ITFG1: variants seen among roughly 807,000 people sequenced by gnomAD.
ITFG1 encodes the protein integrin alpha FG-GAP repeat containing 1.
ITFG1 carries 34 observed loss-of-function variants against 81.8 expected under a neutral mutation model. The observed-to-expected ratio is 0.42, with a 90% CI of 0.32 to 0.55. The LOEUF is 0.55. ITFG1 is among the 20% of genes least tolerant of loss of function. The pLI, the probability that ITFG1 is intolerant of heterozygous loss-of-function variation, is 0.17. For missense variants in ITFG1, 672 were observed against 755.4 expected, an observed-to-expected ratio of 0.89 and a Z score of 1.29; for synonymous variants, 285 against 270.6, an observed-to-expected ratio of 1.05 and a Z score of -0.52.
chr16:47,437,960 T>C (rs1008966954), intron 5 of ITFG1, among the ~76,000 whole-genome samples: 2 of 152,302 alleles, frequency 1.3e-5, no homozygotes, highest in Non-Finnish European at 1.5e-5. Flanking sequence ...AGATGGCACC[T>C]GGAAAAACGG....
At chr16:47,340,152 A>G (rs559333303) in intron 8 of ITFG1, among the ~76,000 whole-genome samples, 1 of 152,154 alleles carries the variant, frequency 6.6e-6, no homozygotes, top group Non-Finnish European at 1.5e-5. Flanking sequence ...ATTCCCAGAT[A>G]AAGGCGGAGG....
At chr16:47,253,828 C>T (rs995032020) in intron 12 of ITFG1, among the ~76,000 whole-genome samples, 6 of 152,104 alleles carry the variant, frequency 3.9e-5, no homozygotes, top group Non-Finnish European at 5.9e-5. Flanking sequence ...GCCCTCCGGC[C>T]GTTCACCTCC....
chr16:47,168,868 C>T (rs1964925211), intron 14 of ITFG1, among the ~76,000 whole-genome samples: 1 of 152,014 alleles, frequency 6.6e-6, no homozygotes, highest in Non-Finnish European at 1.5e-5. Context: ...CATTGAGGTC[C>T]TTGATCCATG....
chr16:47,345,721 A>T (rs918783889), intron 8 of ITFG1, among the ~76,000 whole-genome samples: 2 of 152,234 alleles, frequency 1.3e-5, no homozygotes, highest in South Asian at 4.1e-4. Context: ...TTTGTAACAT[A>T]ATGATGAGTA....
intron 8 of ITFG1, among the ~76,000 whole-genome samples, chr16:47,350,881 TC>T (rs1967942679): frequency 1.3e-5 from 2 of 152,188 alleles, no homozygotes; most frequent in African/African-American, 2.4e-5. Context: ...CAAGTGGGCT[TC>T]ATCCCTGGGA....
chr16:47,381,700 T>C (rs1370883682), intron 6 of ITFG1, among the ~76,000 whole-genome samples: 1 of 152,150 alleles, frequency 6.6e-6, no homozygotes, highest in Non-Finnish European at 1.5e-5. Flanking sequence ...AGAATAAAAA[T>C]ATCTTTAAAA....
intron 8 of ITFG1, among the ~76,000 whole-genome samples, chr16:47,358,875 G>T (rs189881924): frequency 1.5e-4 from 23 of 152,074 alleles, no homozygotes; most frequent in Non-Finnish European, 7.4e-5. Flanking sequence ...TTCTGGTGAG[G>T]GCACATGAGT....
At chr16:47,353,273 G>A (rs150084498) in intron 8 of ITFG1, among the ~76,000 whole-genome samples, 16 of 152,056 alleles carry the variant, frequency 1.1e-4, no homozygotes, top group Admixed American at 5.9e-4. Flanking sequence ...GCATAAAAAT[G>A]GTTCAATATA....
In ITFG1 at chr16:47,377,998, G is replaced by A. The variant is rs981460303; in HGVS notation, c.656-2058C>T. On this transcript the variant is annotated intron_variant, in intron 6 of 17. Coordinates refer to ENST00000320640, the MANE Select transcript of ITFG1 (RefSeq NM_030790.5). ...GGGAAAGAAGGGTCTACGTTAAAGTGTTTCATTAAAAATAATCACAGTGAC... is the reference window on the plus strand; with the variant it reads ...GGGAAAGAAGGGTCTACGTTAAAGTATTTCATTAAAAATAATCACAGTGAC... Among the ~76,000 whole-genome samples, 3 of 152,256 alleles carry A rather than the reference G, an allele frequency of 2.0e-5. No homozygotes were observed. In the East Asian group the frequency reaches 5.8e-4, roughly 29 times the overall value.
intron 14 of ITFG1, among the ~76,000 whole-genome samples, chr16:47,213,736 ACATC>A (rs1377528787): frequency 6.6e-6 from 1 of 152,200 alleles, no homozygotes; most frequent in African/African-American, 2.4e-5. Flanking sequence ...GTTACTGAAT[ACATC>A]CATGGGCTGG....
intron 14 of ITFG1, among the ~76,000 whole-genome samples, chr16:47,204,259 C>G (rs944623559): frequency 2.0e-5 from 3 of 152,118 alleles, no homozygotes; most frequent in African/African-American, 7.2e-5. Flanking sequence ...CCAACCCTGC[C>G]GAAGATTCAC....
chr16:47,216,615 A>C (rs1965627735), intron 14 of ITFG1, among the ~76,000 whole-genome samples: 1 of 152,130 alleles, frequency 6.6e-6, no homozygotes, highest in South Asian at 2.1e-4. Context: ...TTAATTTTTT[A>C]TTAACTTTTC....
chr16:47,341,727 C>T (rs143484953), intron 8 of ITFG1, among the ~76,000 whole-genome samples: 1 of 152,084 alleles, frequency 6.6e-6, no homozygotes, highest in African/African-American at 2.4e-5. Flanking sequence ...ACTAAAGTAG[C>T]AAATGAAAGT....
At chr16:47,423,213 A>AAAGTCTGT (rs1403652189) in intron 6 of ITFG1, among the ~76,000 whole-genome samples, 1 of 149,558 alleles carries the variant, frequency 6.7e-6, no homozygotes, top group Non-Finnish European at 1.5e-5. Flanking sequence ...TTGTTGGTTT[A>AAAGTCTGT]AAGTCTGTTT....
intron 6 of ITFG1, among the ~76,000 whole-genome samples, chr16:47,424,503 G>A (rs1313212515): frequency 6.6e-6 from 1 of 152,222 alleles, no homozygotes; most frequent in East Asian, 1.9e-4. Context: ...CTTTGGAGGA[G>A]AAGAGGTGCT....
intron 10 of ITFG1, among the ~76,000 whole-genome samples, chr16:47,297,114 G>A (rs1966994209): frequency 6.6e-6 from 1 of 152,042 alleles, no homozygotes; most frequent in African/African-American, 2.4e-5. Flanking sequence ...GGTGCTGGGT[G>A]TATATATATT....
At chr16:47,369,907 T>C (rs1195487025) in intron 7 of ITFG1, among the ~76,000 whole-genome samples, 1 of 149,468 alleles carries the variant, frequency 6.7e-6, no homozygotes, top group Non-Finnish European at 1.5e-5. Flanking sequence ...TGGCGCGATC[T>C]TGGCTCACTC....
intron 12 of ITFG1, among the ~76,000 whole-genome samples, chr16:47,249,947 G>T (rs1966050216): frequency 6.6e-6 from 1 of 152,162 alleles, no homozygotes; most frequent in Admixed American, 6.5e-5. Flanking sequence ...AGCTGTAAAG[G>T]TCAATACTGT....
intron 1 of ITFG1, among the ~76,000 whole-genome samples, chr16:47,459,841 T>C (rs1035834763): frequency 3.3e-5 from 5 of 152,172 alleles, no homozygotes; most frequent in Non-Finnish European, 7.3e-5. Context: ...CACTGCAAAA[T>C]GAGGAGTCAA....
Sources: gnomAD v4.1 joint callset for allele counts (sites outside exome capture counted in the v4.1 genomes callset) on GRCh38, gnomAD v4.1.1 for gene constraint, MANE v1.5 for transcripts, NCBI Gene and HGNC (gene_info 2026-07-23, HGNC 2026-07-21) for gene names.